The following GFRAL variants were observed in gnomAD, a reference collection of about 807,000 sequenced individuals.
GFRAL encodes the protein GDNF family receptor alpha like.
Under a neutral mutation model 45.4 loss-of-function variants are expected in GFRAL, and 36 were observed. The ratio of observed to expected loss-of-function variants is 0.79; its 90% CI spans 0.61 to 1.05. The LOEUF (loss-of-function observed/expected upper bound fraction) is 1.05, where lower values mean the gene tolerates loss of function less well. Among genes scored for constraint, GFRAL ranks in the 50% least tolerant of loss-of-function variants. The pLI, the probability that GFRAL is intolerant of heterozygous loss-of-function variation, is 0.00. For synonymous variants in GFRAL, 166 were observed against 154.1 expected (o/e 1.08, Z -0.57); for missense variants, 507 against 467.5 (o/e 1.08, Z -0.78).
chr6:55,389,971 CT>C (rs1581759818), intron 6 of GFRAL, among the ~76,000 whole-genome samples: 1 of 152,164 alleles, frequency 6.6e-6, no homozygotes, highest in East Asian at 1.9e-4. Flanking sequence ...ATATGGTGGA[CT>C]TTAAAATAAC....
intron 6 of GFRAL, among the ~76,000 whole-genome samples, chr6:55,363,746 G>A (rs1768313218): frequency 1.3e-5 from 2 of 151,364 alleles, no homozygotes; most frequent in Admixed American, 1.3e-4. Context: ...TTTCATCCAT[G>A]TCCCTACAAA....
rs1436540580 is a variant in GFRAL at position 55,327,583 on chromosome 6, G to T, written c.22+7G>T. 1 of 1,611,938 alleles carries T rather than the reference G, an allele frequency of 6.2e-7. No homozygotes were observed. The highest frequency in any genetic ancestry group is 8.5e-7 in the Non-Finnish European group (1 of 1,178,446). Reference sequence around the variant, plus strand: ...ATAGTGTTTATTTTCTTGGGTAAGTGAATGGTGCTTCTGGTTTATCTGAAT... The same window carrying T: ...ATAGTGTTTATTTTCTTGGGTAAGTTAATGGTGCTTCTGGTTTATCTGAAT... On this transcript the variant is annotated splice_region_variant and intron_variant, in intron 1 of 8. Transcript: ENST00000340465.
intron 5 of GFRAL, among the ~76,000 whole-genome samples, chr6:55,357,096 G>A (rs952754007): frequency 6.6e-6 from 1 of 151,796 alleles, no homozygotes; most frequent in Non-Finnish European, 1.5e-5. Context: ...TTTAAGACTT[G>A]CTTTTTAGCT....
chr6:55,365,641 T>C (rs1449859124), intron 6 of GFRAL, among the ~76,000 whole-genome samples: 1 of 135,318 alleles, frequency 7.4e-6, no homozygotes, highest in African/African-American at 3.0e-5. Context: ...TGAGAGTTTT[T>C]AGCATGAAGG....
chr6:55,330,589 C>T (rs1767816450), intron 1 of GFRAL, among the ~76,000 whole-genome samples: 1 of 152,058 alleles, frequency 6.6e-6, no homozygotes, highest in Admixed American at 6.6e-5. Flanking sequence ...AAAGAAAATA[C>T]TTATCAGGGA....
In GFRAL at chr6:55,394,818, A is replaced by T. The variant is rs139555016; in HGVS notation, c.953-4362A>T. On this transcript the variant is annotated intron_variant, in intron 6 of 8. Transcript: ENST00000340465. ...ACATTCAACAATACTGAAAAATTAC[A>T]CGTGGATCACTTTTTAAAAAATCTC... Among the ~76,000 whole-genome samples, 943 of 152,174 alleles carry T rather than the reference A, an allele frequency of 6.2e-3. 9 individuals carry two copies. The highest frequency in any genetic ancestry group is 0.022 in the African/African-American group (902 of 41,538).
chr6:55,363,141 A>G (rs1466512663), intron 6 of GFRAL, among the ~76,000 whole-genome samples: 3 of 152,044 alleles, frequency 2.0e-5, no homozygotes, highest in Non-Finnish European at 4.4e-5. Flanking sequence ...ACAAAAAAAA[A>G]AGCATGTGAT....
intron 5 of GFRAL, among the ~76,000 whole-genome samples, chr6:55,355,946 A>G (rs1005102457): frequency 2.0e-5 from 3 of 151,984 alleles, no homozygotes; most frequent in Admixed American, 1.3e-4. Flanking sequence ...AACGTAGAGA[A>G]CTTTAGCAAA....
At chr6:55,352,922 G>T (rs1237338856) in intron 5 of GFRAL, among the ~76,000 whole-genome samples, 1 of 152,022 alleles carries the variant, frequency 6.6e-6, no homozygotes, top group African/African-American at 2.4e-5. Flanking sequence ...GGATCTTATA[G>T]TCCAGAGAGA....
chr6:55,393,737 G>A (rs1431698973), intron 6 of GFRAL, among the ~76,000 whole-genome samples: 9 of 152,256 alleles, frequency 5.9e-5, no homozygotes, highest in Admixed American at 5.2e-4. Context: ...ATATACCAAA[G>A]AGATTGCTAG....
chr6:55,351,259 A>T lies in GFRAL; in HGVS notation c.377A>T (p.Lys126Ile), dbSNP rs936760204. Residue 126 changes from lysine (K) to isoleucine (I), a missense_variant, in exon 5 of 9, where the codon AAA becomes ATA. Lys to Ile is a moderately radical substitution (Grantham distance 102). Coordinates refer to ENST00000340465, the MANE Select transcript of GFRAL (RefSeq NM_207410.2). ...GGCATATCATTGCTTTCAGGATTCAAAGGGATGTGGTCCTGTTTGGAAGTG... is the reference window on the plus strand; with the variant it reads ...GGCATATCATTGCTTTCAGGATTCATAGGGATGTGGTCCTGTTTGGAAGTG... ...NLTTRSHHGF[K>I]GMWSCLEVAE... 6 of 1,581,988 alleles carry T rather than the reference A, an allele frequency of 3.8e-6. No individual in the cohort carries two copies. The Admixed American group carries it at 8.7e-5, about 23-fold the overall frequency.
At chr6:55,332,765 A>C (rs1767847176) in intron 2 of GFRAL, among the ~76,000 whole-genome samples, 1 of 152,180 alleles carries the variant, frequency 6.6e-6, no homozygotes. Context: ...TTGAATATTC[A>C]AGTAGCTAAA....
At chr6:55,383,237 A>G (rs2127363673) in intron 6 of GFRAL, among the ~76,000 whole-genome samples, 2 of 151,432 alleles carry the variant, frequency 1.3e-5, no homozygotes, top group East Asian at 3.9e-4. Flanking sequence ...TAAGGATCAC[A>G]TTTTAAATAG....
chr6:55,330,103 C>G lies in GFRAL; in HGVS notation c.23-1612C>G, dbSNP rs188602034. Among the ~76,000 whole-genome samples, 4 of 152,214 alleles carry G rather than the reference C, an allele frequency of 2.6e-5. No individual in the cohort carries two copies. The South Asian group carries it at 8.3e-4, about 32-fold the overall frequency. ...GAATCAATTTGACTAACTTGCGTAA[C>G]ATATTAAATTAACATTGCTATTTTC... On this transcript the variant is annotated intron_variant, in intron 1 of 8. Coordinates refer to ENST00000340465, the MANE Select transcript of GFRAL (RefSeq NM_207410.2).
rs568709915 is a variant in GFRAL, at chr6:55,334,183, A to C, written c.316+239A>C. ...GTTCTGTGAGCCATAGACCTCAGTAAGTGCACGACATACTTCTTTCATTAC... is the reference window on the plus strand; with the variant it reads ...GTTCTGTGAGCCATAGACCTCAGTACGTGCACGACATACTTCTTTCATTAC... On this transcript the variant is annotated intron_variant, in intron 3 of 8. Transcript: ENST00000340465. Among the ~76,000 whole-genome samples, 7 of 152,238 alleles carry C rather than the reference A, an allele frequency of 4.6e-5. No individual in the cohort carries two copies. In the South Asian group the frequency reaches 1.2e-3, roughly 27 times the overall value.
At chr6:55,357,663 C>T (rs1417100631) in intron 5 of GFRAL, among the ~76,000 whole-genome samples, 1 of 151,516 alleles carries the variant, frequency 6.6e-6, no homozygotes, top group Non-Finnish European at 1.5e-5. Context: ...AGACTTTAGT[C>T]CATTTACATT....
At chr6:55,368,396 C>T (rs1291949594) in intron 6 of GFRAL, among the ~76,000 whole-genome samples, 13 of 151,468 alleles carry the variant, frequency 8.6e-5, no homozygotes, top group South Asian at 2.1e-4. Flanking sequence ...AATGTCCTCC[C>T]GTAGCTCAGA....
At position 55,371,009 on chromosome 6, in the gene GFRAL, G is replaced by A. The variant is rs569554598; in HGVS notation, c.952+11871G>A. 2.0e-4 allele frequency among the ~76,000 whole-genome samples: 31 copies of A among 152,090 alleles called. No homozygotes were observed. The East Asian group carries it at 4.8e-3, about 24-fold the overall frequency. ...GCCCTGCCCAACACCCCTTCACTTC[G>A]CCATCCTGCAACTGCTGCCAGACAT... On this transcript the variant is annotated intron_variant, in intron 6 of 8. Transcript: ENST00000340465.
chr6:55,389,340 A>G (rs549900121), intron 6 of GFRAL, among the ~76,000 whole-genome samples: 1 of 152,294 alleles, frequency 6.6e-6, no homozygotes, highest in East Asian at 1.9e-4. Context: ...ATTTGAAATT[A>G]TGAAAGCCTA....
Sources: gnomAD v4.1 joint callset for allele counts (sites outside exome capture counted in the v4.1 genomes callset) on GRCh38, gnomAD v4.1.1 for gene constraint, MANE v1.5 for transcripts, NCBI Gene and HGNC (gene_info 2026-07-23, HGNC 2026-07-21) for gene names.